ANXA1: variants seen among roughly 807,000 people sequenced by gnomAD.
ANXA1 encodes annexin A1, also known as annexin I (lipocortin I).
Under a neutral mutation model 47.9 loss-of-function variants are expected in ANXA1, and 39 were observed. The ratio of observed to expected loss-of-function variants is 0.81; its 90% CI spans 0.63 to 1.06. The LOEUF (loss-of-function observed/expected upper bound fraction) is 1.06, where lower values mean the gene tolerates loss of function less well. ANXA1 is among the 50% of genes least tolerant of loss of function. The probability of loss-of-function intolerance (pLI) is 0.00; values close to 1 mark genes in which losing one functional copy is unlikely to be tolerated. For missense variants in ANXA1, 446 were observed against 422.7 expected (o/e 1.06, Z -0.48); for synonymous variants, 146 against 142.5 (o/e 1.02, Z -0.17).
Position 73,159,433 on chromosome 9 carries a change from A to T in ANXA1, c.270+10A>T. ...CCAGGAAACAGGAAAGGTAAGTTAG[A>T]GTGGTAAATTTAGATATTTAATTTC... On this transcript the variant is annotated intron_variant, in intron 4 of 12. Coordinates refer to ENST00000257497, the MANE Select transcript of ANXA1 (RefSeq NM_000700.3). 6.2e-7 allele frequency: 1 copy of T among 1,607,320 alleles called. No individual in the cohort carries two copies. Among genetic ancestry groups the T allele is most frequent in the Non-Finnish European group, 8.5e-7 (1 of 1,174,392 alleles).
chr9:73,163,210 T>G (rs1366643520), intron 7 of ANXA1, among the ~76,000 whole-genome samples: 1 of 152,056 alleles, frequency 6.6e-6, no homozygotes, highest in Non-Finnish European at 1.5e-5. Flanking sequence ...GGCATTAATC[T>G]CTTCATGAGA....
chr9:73,169,734 A>T (rs530449400), intron 12 of ANXA1, among the ~76,000 whole-genome samples: 2 of 152,258 alleles, frequency 1.3e-5, no homozygotes, highest in African/African-American at 4.8e-5. Flanking sequence ...TGAATCAGGT[A>T]TCTCCTCACA....
chr9:73,162,583 T>C (rs931896939), intron 6 of ANXA1, among the ~76,000 whole-genome samples, 199 bp from the exon 7 acceptor site: 7 of 152,204 alleles, frequency 4.6e-5, no homozygotes, highest in African/African-American at 1.4e-4. Flanking sequence ...TTGCTTCATA[T>C]GAAATAAATT....
chr9:73,170,164 C>T lies in ANXA1; in HGVS notation c.*57C>T. On this transcript the variant is annotated 3_prime_UTR_variant, in exon 13 of 13. Coordinates refer to ENST00000257497, the MANE Select transcript of ANXA1 (RefSeq NM_000700.3). ...GAAGACTTTAATTATATATTTTCAT[C>T]CTATAAGCTTAAATAGGAAAGTTTC... 2 of 1,453,648 alleles carry T rather than the reference C, an allele frequency of 1.4e-6. No homozygotes were observed. Among genetic ancestry groups the T allele is most frequent in the Non-Finnish European group, 1.9e-6 (2 of 1,064,436 alleles). 90.0% of individuals were successfully genotyped at this position (1,453,648 alleles called of 1,614,324 possible). A position where few individuals can be genotyped will look rare whatever the true frequency, so the allele number is the denominator to read the frequency against.
chr9:73,167,223 T>G (rs1824246889), intron 10 of ANXA1, among the ~76,000 whole-genome samples: 1 of 152,106 alleles, frequency 6.6e-6, no homozygotes, highest in Non-Finnish European at 1.5e-5. Context: ...GGAGAATATA[T>G]GTTGGATAGC....
chr9:73,159,207 ATATAATT>A, intron 3 of ANXA1, 115 bp from the exon 4 acceptor site: 1 of 776,750 alleles, frequency 1.3e-6, no homozygotes, highest in East Asian at 2.7e-5. Context: ...TTAGGCTGAT[ATATAATT>A]TATATTTCTT....
At chr9:73,162,929 T>A (rs1395044754) in intron 7 of ANXA1, 68 bp downstream of exon 7, 13 of 1,308,432 alleles carry the variant, frequency 9.9e-6, no homozygotes, top group Middle Eastern at 1.9e-4. Flanking sequence ...CCATTTTGTG[T>A]TGCTATAAGG....
At chr9:73,158,400 TC>T in intron 1 of ANXA1, 121 bp from the exon 2 acceptor site, 1 of 720,958 alleles carries the variant, frequency 1.4e-6, no homozygotes, top group East Asian at 2.7e-5. Flanking sequence ...GTGTAATTGA[TC>T]CTGGAAAGTA....
At chr9:73,165,311 C>A in intron 9 of ANXA1, 102 bp downstream of exon 9, 1 of 852,814 alleles carries the variant, frequency 1.2e-6, no homozygotes, top group South Asian at 1.6e-5. Context: ...TTTTCAATAT[C>A]ACTCCTGTAT....
intron 1 of ANXA1, chr9:73,154,117 A>T: frequency 5.9e-6 from 2 of 336,594 alleles, no homozygotes; most frequent in Non-Finnish European, 1.2e-5. Flanking sequence ...CCTGGAAGCA[A>T]AACATTAGTG....
chr9:73,167,700 C>T, intron 11 of ANXA1, 145 bp downstream of exon 11: 2 of 719,774 alleles, frequency 2.8e-6, no homozygotes, highest in Admixed American at 3.1e-5. Flanking sequence ...AGAGGTAATA[C>T]ACTACCTTCT....
chr9:73,160,182 AC>A, intron 4 of ANXA1, 80 bp from the exon 5 acceptor site: 2 of 932,756 alleles, frequency 2.1e-6, no homozygotes, highest in Non-Finnish European at 3.2e-6. Flanking sequence ...TTGTACGATG[AC>A]CTAAAGTCAG....
chr9:73,166,408 GAGAT>G (rs1042031032), intron 10 of ANXA1, among the ~76,000 whole-genome samples: 2 of 152,032 alleles, frequency 1.3e-5, no homozygotes, highest in African/African-American at 4.8e-5. Context: ...AAAATAGAGA[GAGAT>G]AGACTATACT....
chr9:73,166,229 G>T, intron 10 of ANXA1, 37 bp downstream of exon 10: 1 of 1,465,548 alleles, frequency 6.8e-7, no homozygotes, highest in East Asian at 2.3e-5. Context: ...TTTCTAACTA[G>T]AAATTGTATT....
intron 2 of ANXA1, 28 bp downstream of exon 2, chr9:73,158,629 T>G: frequency 6.2e-7 from 1 of 1,609,752 alleles, no homozygotes; most frequent in Non-Finnish European, 8.5e-7. Flanking sequence ...AAAATTATGA[T>G]TACAATATTG....
chr9:73,160,908 C>T lies in ANXA1; in HGVS notation c.475+15C>T, dbSNP rs764348654. On this transcript the variant is annotated intron_variant, in intron 6 of 12. Transcript: ENST00000257497. ...CTACAGAGAGGGTAAGTTGTAATGT[C>T]CAACAGTCCAAACGCCTTATTTGAA... 6.5e-6 allele frequency: 10 copies of T among 1,528,822 alleles called. No individual in the cohort carries two copies. The East Asian group carries it at 1.8e-4, about 28-fold the overall frequency. 94.7% of individuals were successfully genotyped at this position (1,528,822 alleles called of 1,614,324 possible). A position where few individuals can be genotyped will look rare whatever the true frequency, so the allele number is the denominator to read the frequency against.
chr9:73,160,352 T>C lies in ANXA1; in HGVS notation c.360T>C (p.Ala120=). 6.3e-7 allele frequency: 1 copy of C among 1,584,930 alleles called. No individual in the cohort carries two copies. Among genetic ancestry groups the C allele is most frequent in the South Asian group, 1.2e-5 (1 of 85,878 alleles). ...TAAAAACTCCAGCGCAATTTGATGC[T>C]GATGAACTTCGTGCTGCCATGAAGG... The part of the protein sequence containing the change: ...ALLKTPAQFD[A]DELRAAMKGL... Residue 120 remains alanine, a synonymous_variant, in exon 5 of 13, where the codon GCT becomes GCC. Transcript: ENST00000257497.
In ANXA1 at chr9:73,170,109, C is replaced by T; in HGVS notation, c.*2C>T. The stretch of plus-strand genomic sequence containing the variant: ...GTGGCTCTTTGTGGAGGAAACTAAA[C>T]ATTCCCTTGATGGTCTCAAGCTATG... On this transcript the variant is annotated 3_prime_UTR_variant, in exon 13 of 13. Coordinates refer to ENST00000257497, the MANE Select transcript of ANXA1 (RefSeq NM_000700.3). The T allele has an allele frequency of 1.2e-6, 2 of 1,602,872 alleles. No individual in the cohort carries two copies. The highest frequency in any genetic ancestry group is 1.7e-6 in the Non-Finnish European group (2 of 1,173,396).
intron 9 of ANXA1, 60 bp from the exon 10 acceptor site, chr9:73,166,037 C>T (rs1824223422): frequency 4.4e-6 from 6 of 1,366,758 alleles, no homozygotes; most frequent in South Asian, 1.3e-5. Flanking sequence ...CTTGATTTTG[C>T]TAAAGCTTTC....
Sources: gnomAD v4.1 joint callset for allele counts (sites outside exome capture counted in the v4.1 genomes callset) on GRCh38, gnomAD v4.1.1 for gene constraint, MANE v1.5 for transcripts, NCBI Gene and HGNC (gene_info 2026-07-23, HGNC 2026-07-21) for gene names.